TRIM64: variants seen among roughly 807,000 people sequenced by gnomAD.
TRIM64 encodes the protein tripartite motif containing 64, also known as tripartite motif-containing protein 64.
Under a neutral mutation model 10.6 loss-of-function variants are expected in TRIM64, and 3 were observed. That is an observed-to-expected ratio of 0.28 (90% CI 0.13 to 0.73). The LOEUF is 0.73. Among genes scored for constraint, TRIM64 ranks in the 30% least tolerant of loss-of-function variants. TRIM64 has a pLI of 0.71. For missense variants in TRIM64, 29 were observed against 152.0 expected (o/e 0.19, Z 4.25); for synonymous variants, 8 against 56.0 (o/e 0.14, Z 3.83).
chr11:89,967,938 C>G (rs1414742654), upstream of TRIM64, among the ~76,000 whole-genome samples: 1 of 35,538 alleles, frequency 2.8e-5, no homozygotes, highest in Non-Finnish European at 5.2e-5. Context: ...CGTGCCACCA[C>G]GCCCTGCTAA....
upstream of TRIM64, among the ~76,000 whole-genome samples, chr11:89,966,468 TA>T (rs1306732265): frequency 1.5e-5 from 1 of 67,646 alleles, no homozygotes; most frequent in African/African-American, 5.6e-5. Context: ...TAGTAGTGGT[TA>T]TAACGTAAGC....
upstream of TRIM64, among the ~76,000 whole-genome samples, chr11:89,967,440 T>A (rs1950427978): frequency 3.9e-5 from 1 of 25,724 alleles, no homozygotes. Flanking sequence ...CCATAGATAC[T>A]AAGTGTCTTT....
At chr11:89,966,898 C>CA (rs778298970), upstream of TRIM64, among the ~76,000 whole-genome samples, 539 of 12,996 alleles carry the variant, frequency 0.041, 19 homozygotes, top group African/African-American at 0.23. Context: ...ACAACAGCAA[C>CA]AAAAAAAAAA....
rs1342975094 is a variant in TRIM64, at chr11:89,971,965, G to A, written c.759-232G>A. Among the ~76,000 whole-genome samples, 2 of 47,314 alleles carry A rather than the reference G, an allele frequency of 4.2e-5. 1 individual carries two copies. Among genetic ancestry groups the A allele is most frequent in the African/African-American group, 1.2e-4 (2 of 16,468 alleles). 31.0% of individuals were successfully genotyped at this position (47,314 alleles called of 152,430 possible). On this transcript the variant is annotated intron_variant, in intron 4 of 5. Coordinates refer to ENST00000533122, the Ensembl canonical transcript of TRIM64. ...GCAGAGGGAGGCAATGACTTTTAATGACTTTAGAAGTTGTATAATGTCTGA... is the reference window on the plus strand; with the variant it reads ...GCAGAGGGAGGCAATGACTTTTAATAACTTTAGAAGTTGTATAATGTCTGA...
chr11:89,971,721 G>A lies in TRIM64; in HGVS notation c.758+466G>A, dbSNP rs1427231922. On this transcript the variant is annotated intron_variant, in intron 4 of 5. Coordinates refer to ENST00000533122, the Ensembl canonical transcript of TRIM64. ...GTTCTAGGAAAGACCTCAGGGAAAT[G>A]GTTGCCTCGGGCCCCTCAGCAGCAA... Among the ~76,000 whole-genome samples the A allele has an allele frequency of 3.8e-5, 2 of 52,578 alleles. 1 individual carries two copies. The highest frequency in any genetic ancestry group is 8.5e-5 in the Non-Finnish European group (2 of 23,546). 34.5% of individuals were successfully genotyped at this position (52,578 alleles called of 152,430 possible).
chr11:89,966,868 C>A, upstream of TRIM64, among the ~76,000 whole-genome samples: 1 of 29,790 alleles, frequency 3.4e-5, no homozygotes, highest in African/African-American at 3.1e-4. Context: ...GCCTGCGTAA[C>A]AGAGTGAGAC....
At chr11:89,968,026 C>T (rs1950429651), upstream of TRIM64, among the ~76,000 whole-genome samples, 1 of 35,546 alleles carries the variant, frequency 2.8e-5, no homozygotes, top group African/African-American at 2.4e-4. Context: ...CGTGACCTGC[C>T]CGCCTCGGCC....
chr11:89,971,669 C>T (rs1950438606), intron 4 of TRIM64, among the ~76,000 whole-genome samples: 1 of 51,010 alleles, frequency 2.0e-5, no homozygotes, highest in African/African-American at 6.5e-5. Context: ...ATCAATGACC[C>T]GGGCCTGCTC....
chr11:89,969,888 TA>T (rs771592392), intron 2 of TRIM64, among the ~76,000 whole-genome samples: 113 of 138 alleles, frequency 0.82, 50 homozygotes, highest in Middle Eastern at 1. Context: ...ATGGTAAAAG[TA>T]AAAAAAAACT....
chr11:89,969,464 G>A lies in TRIM64; in HGVS notation c.423G>A (p.Lys141=). 2 of 338,202 alleles carry A rather than the reference G, an allele frequency of 5.9e-6. 1 individual carries two copies. The highest frequency in any genetic ancestry group is 7.9e-6 in the Non-Finnish European group (2 of 252,726). The allele number at this position is 338,202 out of a possible 1,614,324, so 21.0% of individuals were successfully genotyped here. The change falls in exon 2 of 6, where the codon AAG becomes AAA. Residue 141 remains lysine (K), a synonymous_variant. Transcript: ENST00000533122. ...TTCTTTTGCAGGAGAAACTTATAAA[G>A]GAAATGGACTATTTATGGGAAATCA...
rs1405047090 is a variant in TRIM64, at chr11:89,968,664, C to T, written c.161C>T (p.Ser54Leu). ...GGCAGAGCACCAATGCGCTGCCCTT[C>T]GTGCAGAAAAATCTCAGAGAAGCCC... Residue 54 changes from serine to leucine, a missense_variant, in exon 1 of 6, where the codon TCG (serine) becomes TTG (leucine). Ser to Leu is a moderately radical substitution (Grantham distance 145). Transcript: ENST00000533122. 4 of 743,956 alleles carry T rather than the reference C, an allele frequency of 5.4e-6. 1 individual carries two copies. Among genetic ancestry groups the T allele is most frequent in the East Asian group, 8.6e-5 (2 of 23,228 alleles). The allele number at this position is 743,956 out of a possible 1,614,324, so 46.1% of individuals were successfully genotyped here. A position where few individuals can be genotyped will look rare whatever the true frequency, so the allele number is the denominator to read the frequency against.
In TRIM64 at chr11:89,971,676, G is replaced by C. The variant is rs1444057672; in HGVS notation, c.758+421G>C. Among the ~76,000 whole-genome samples, 9 of 51,374 alleles carry C rather than the reference G, an allele frequency of 1.8e-4. 4 individuals are homozygous for C. In the East Asian group the frequency reaches 6.1e-3, roughly 35 times the overall value. The allele number at this position is 51,374 out of a possible 152,430, so 33.7% of individuals were successfully genotyped here. On this transcript the variant is annotated intron_variant, in intron 4 of 5. Transcript: ENST00000533122. ...CTAAAAGCATCAATGACCCGGGCCT[G>C]CTCCATCACCATACACCCAGTTCTA...
chr11:89,967,867 C>T (rs1314774267), upstream of TRIM64, among the ~76,000 whole-genome samples: 1 of 35,506 alleles, frequency 2.8e-5, no homozygotes, highest in East Asian at 6.3e-4. Flanking sequence ...CTGCAACCTC[C>T]GCCTCCTGGG....
upstream of TRIM64, among the ~76,000 whole-genome samples, chr11:89,966,862 G>A (rs1443756262): frequency 5.8e-5 from 2 of 34,524 alleles, no homozygotes; most frequent in Non-Finnish European, 1.1e-4. Flanking sequence ...ACTCCAGCCT[G>A]CGTAACAGAG....
rs1950441765 is a variant in TRIM64 at position 89,973,137 on chromosome 11, C to T, written c.857-259C>T. ...CATTTTGCATATGCCCTGAAACCAA[C>T]TATGCAGATGTAGACATTAAATCAT... On this transcript the variant is annotated intron_variant, in intron 5 of 5. Transcript: ENST00000533122. Among the ~76,000 whole-genome samples, 2 of 31,634 alleles carry T rather than the reference C, an allele frequency of 6.3e-5. 1 individual carries two copies. Among genetic ancestry groups the T allele is most frequent in the Non-Finnish European group, 1.1e-4 (2 of 17,732 alleles). The allele number at this position is 31,634 out of a possible 152,430, so 20.8% of individuals were successfully genotyped here. A position where few individuals can be genotyped will look rare whatever the true frequency, so the allele number is the denominator to read the frequency against.
chr11:89,967,239 A>T (rs2134762124), upstream of TRIM64, among the ~76,000 whole-genome samples: 1 of 15,212 alleles, frequency 6.6e-5, no homozygotes, highest in South Asian at 2.3e-3. Context: ...AAAATAATAG[A>T]TATTATTTAC....
chr11:89,967,884 C>T (rs1950429085), upstream of TRIM64, among the ~76,000 whole-genome samples: 1 of 35,480 alleles, frequency 2.8e-5, no homozygotes, highest in Non-Finnish European at 5.2e-5. Flanking sequence ...TGGGTTCAAG[C>T]GATTCTCCTG....
rs549309825 is a variant in TRIM64 at position 89,971,498 on chromosome 11, A to T, written c.758+243A>T. ...TGTTCTTCCCAGTCCATCCGTCCTG[A>T]CCAACCATACCCCACAGATCTTAAT... On this transcript the variant is annotated intron_variant, in intron 4 of 5. Transcript: ENST00000533122. Among the ~76,000 whole-genome samples, 2 of 48,814 alleles carry T rather than the reference A, an allele frequency of 4.1e-5. 1 individual carries two copies. Among genetic ancestry groups the T allele is most frequent in the East Asian group, 1.4e-3 (2 of 1,456 alleles). 32.0% of individuals were successfully genotyped at this position (48,814 alleles called of 152,430 possible). A position where few individuals can be genotyped will look rare whatever the true frequency, so the allele number is the denominator to read the frequency against.
At chr11:89,970,790 C>G (rs1330080326) in intron 3 of TRIM64, among the ~76,000 whole-genome samples, 22 of 1,124 alleles carry the variant, frequency 0.02, no homozygotes, top group South Asian at 0.048. Context: ...TTATATGCCC[C>G]AGTTCCTCCT....
Sources: gnomAD v4.1 joint callset for allele counts (sites outside exome capture counted in the v4.1 genomes callset) on GRCh38, gnomAD v4.1.1 for gene constraint, MANE v1.5 for transcripts, NCBI Gene and HGNC (gene_info 2026-07-23, HGNC 2026-07-21) for gene names.